Variants in PLAC1 observed in about 807,000 individuals in gnomAD.
PLAC1 encodes placenta-specific protein 1.
For missense variants in PLAC1, 136 were observed against 163.2 expected (o/e 0.83, Z 0.91); for synonymous variants, 68 against 62.1 (o/e 1.09, Z -0.44).
At position 134,745,895 on chromosome X, in the gene PLAC1, C is replaced by T. The variant is rs150885425; in HGVS notation, n.90-12376G>A. On this transcript the variant is annotated intron_variant and non_coding_transcript_variant, in intron 1 of 2. Coordinates refer to the PLAC1 transcript ENST00000466797. ...AGCACTACCCAAACCACAGTGAGTC[C>T]AGTTCCTTCCTTTCCCAGAAGGAAG... Among the ~76,000 whole-genome samples the T allele has an allele frequency of 5.5e-4, 61 of 111,793 alleles. No homozygotes were observed. The East Asian group carries it at 0.015, about 28-fold the overall frequency.
intron 1 of PLAC1, among the ~76,000 whole-genome samples, chrX:134,648,404 C>G (rs1172036691): frequency 8.9e-6 from 1 of 112,307 alleles, no homozygotes; most frequent in Non-Finnish European, 1.9e-5. Context: ...ATTTAAAAAA[C>G]GTGGAGGCTG....
chrX:134,721,053 T>A (rs951465009), intron 2 of PLAC1, among the ~76,000 whole-genome samples: 1 of 112,503 alleles, frequency 8.9e-6, no homozygotes, highest in Non-Finnish European at 1.9e-5. Context: ...ATATATCTGA[T>A]AATGGACTTG....
chrX:134,574,610 C>T (rs1464565485), intron 2 of PLAC1, among the ~76,000 whole-genome samples: 2 of 112,232 alleles, frequency 1.8e-5, no homozygotes, highest in East Asian at 5.6e-4. Context: ...TCAATTAGCT[C>T]TTAGTCAGTG....
intron 1 of PLAC1, among the ~76,000 whole-genome samples, chrX:134,738,633 A>G (rs948332981): frequency 1.8e-5 from 2 of 112,553 alleles, no homozygotes; most frequent in Non-Finnish European, 3.7e-5. Context: ...CAAAGGCTCA[A>G]ACATTTTCTG....
chrX:134,743,561 C>A (rs2078722107), intron 1 of PLAC1, among the ~76,000 whole-genome samples: 1 of 111,009 alleles, frequency 9.0e-6, no homozygotes, highest in Admixed American at 9.6e-5. Flanking sequence ...AGTAAAAAAC[C>A]AAAAGAAACA....
chrX:134,649,194 G>C (rs1237699420), intron 1 of PLAC1, among the ~76,000 whole-genome samples: 1 of 103,681 alleles, frequency 9.6e-6, no homozygotes, highest in Non-Finnish European at 1.9e-5. Context: ...CTTGAACCTG[G>C]GTGGAGGTTG....
At chrX:134,663,791 T>A (rs1220818633) in intron 2 of PLAC1, among the ~76,000 whole-genome samples, 1 of 112,420 alleles carries the variant, frequency 8.9e-6, no homozygotes, top group Non-Finnish European at 1.9e-5. Context: ...ACAGATAACA[T>A]CCACATTTTG....
At chrX:134,686,001 G>A (rs756367145) in intron 2 of PLAC1, among the ~76,000 whole-genome samples, 5 of 110,923 alleles carry the variant, frequency 4.5e-5, no homozygotes, top group Non-Finnish European at 9.4e-5. Flanking sequence ...ACACAGCCTT[G>A]GATTATCAAG....
At chrX:134,744,423 G>A (rs957162713) in intron 1 of PLAC1, among the ~76,000 whole-genome samples, 7 of 111,621 alleles carry the variant, frequency 6.3e-5, no homozygotes, top group Non-Finnish European at 1.9e-5. Context: ...AGGTGACCCC[G>A]CCACTTATTA....
At chrX:134,682,945 G>C (rs1032589273) in intron 2 of PLAC1, among the ~76,000 whole-genome samples, 2 of 111,924 alleles carry the variant, frequency 1.8e-5, no homozygotes, top group African/African-American at 6.5e-5. Context: ...TGGAGATAAA[G>C]TAAAAGAGCA....
At chrX:134,567,528 G>C (rs1229892553) in intron 2 of PLAC1, among the ~76,000 whole-genome samples, 1 of 111,321 alleles carries the variant, frequency 9.0e-6, no homozygotes, top group Non-Finnish European at 1.9e-5. Flanking sequence ...AGCCAGGGTG[G>C]AAGGACTGCT....
chrX:134,614,930 C>T (rs934172806), intron 1 of PLAC1, among the ~76,000 whole-genome samples: 1 of 111,571 alleles, frequency 9.0e-6, no homozygotes, highest in African/African-American at 3.3e-5. Flanking sequence ...GGATTACAGG[C>T]GTGTACCACT....
intron 1 of PLAC1, among the ~76,000 whole-genome samples, chrX:134,735,957 TA>T (rs766171376): frequency 0.13 from 10,983 of 83,893 alleles, 1,190 homozygotes; most frequent in African/African-American, 0.35. Context: ...CTGTCTACCT[TA>T]AAAAAAAAAA....
chrX:134,673,392 C>G (rs2078462840), intron 2 of PLAC1, among the ~76,000 whole-genome samples: 2 of 108,261 alleles, frequency 1.8e-5, no homozygotes, highest in South Asian at 8.3e-4. Flanking sequence ...AGAGGGGAGA[C>G]AGGGAAAAGG....
Position 134,621,395 on chromosome X carries a change from G to A in PLAC1, c.-130-19273C>T, listed in dbSNP as rs772079614. Among the ~76,000 whole-genome samples, 78 of 92,029 alleles carry A rather than the reference G, an allele frequency of 8.5e-4. 1 individual carries two copies. Among genetic ancestry groups the A allele is most frequent in the Non-Finnish European group, 1.2e-4 (6 of 48,548 alleles). The allele number at this position is 92,029 out of a possible 115,157, so 79.9% of individuals were successfully genotyped here. ...CGGGAGGTGGAGGTTGCCGCGAGCC[G>A]AGATCGTGCCACTGCACTCCAGCCC... On this transcript the variant is annotated intron_variant, in intron 1 of 2. Coordinates refer to ENST00000359237, the MANE Select transcript of PLAC1 (RefSeq NM_021796.4).
intron 1 of PLAC1, chrX:134,760,063 A>G (rs1329461246): frequency 8.9e-6 from 1 of 112,076 alleles, no homozygotes; most frequent in Non-Finnish European, 1.9e-5. Context: ...TGGGTTATGG[A>G]CACCCTAAAT....
intron 2 of PLAC1, among the ~76,000 whole-genome samples, chrX:134,574,751 A>C: frequency 9.0e-6 from 1 of 111,517 alleles, no homozygotes. Flanking sequence ...AGAAATTATC[A>C]AGCCGTATCT....
intron 1 of PLAC1, among the ~76,000 whole-genome samples, chrX:134,641,053 T>C (rs1255570106): frequency 8.9e-6 from 1 of 111,906 alleles, no homozygotes; most frequent in African/African-American, 3.3e-5. Flanking sequence ...TTGCCTAGCC[T>C]GGGCAACATA....
chrX:134,726,028 T>C, intron 2 of PLAC1, among the ~76,000 whole-genome samples: 1 of 111,431 alleles, frequency 9.0e-6, no homozygotes, highest in Non-Finnish European at 1.9e-5. Context: ...GCAGGGCATT[T>C]CATGATCTGG....
Sources: allele counts gnomAD v4.1 joint callset (sites outside exome capture counted in the v4.1 genomes callset), GRCh38; gene constraint gnomAD v4.1.1; transcripts MANE v1.5; gene names NCBI Gene and HGNC (gene_info 2026-07-23, HGNC 2026-07-21).